SUPT20H: variants seen among roughly 807,000 people sequenced by gnomAD.
The protein encoded by SUPT20H is transcription factor SPT20 homolog.
A neutral mutation model predicts 122.8 loss-of-function variants in SUPT20H; 82 were observed. That is an observed-to-expected ratio of 0.67 (90% CI 0.56 to 0.80). The LOEUF (loss-of-function observed/expected upper bound fraction) is 0.80, where lower values mean the gene tolerates loss of function less well. Ranked by LOEUF, SUPT20H falls within the 30% of genes least tolerant of loss-of-function variation. The pLI is 0.00. For synonymous variants in SUPT20H, 291 were observed against 313.0 expected (o/e 0.93, Z 0.74); for missense variants, 831 against 921.6 (o/e 0.90, Z 1.27).
intron 5 of SUPT20H, 125 bp from the exon 6 acceptor site, chr13:37,045,498 T>C: frequency 8.1e-7 from 1 of 1,238,480 alleles, no homozygotes; most frequent in Non-Finnish European, 1.1e-6. Flanking sequence ...TGATTCTGAA[T>C]AAATGGAGAA....
intron 1 of SUPT20H, among the ~76,000 whole-genome samples, chr13:37,055,157 AG>A (rs1372595444): frequency 2.0e-5 from 3 of 152,232 alleles, no homozygotes; most frequent in Non-Finnish European, 2.9e-5. Flanking sequence ...GCTTATGAGT[AG>A]GAAGAATCAA....
intron 1 of SUPT20H, chr13:37,059,153 G>C (rs570866547): frequency 2.6e-4 from 40 of 152,360 alleles, no homozygotes; most frequent in Non-Finnish European, 5.0e-4. Flanking sequence ...ATCGACCAGA[G>C]TCTTCCCATT....
chr13:37,027,181 C>T (rs2139747982), intron 14 of SUPT20H, among the ~76,000 whole-genome samples: 1 of 152,010 alleles, frequency 6.6e-6, no homozygotes, highest in African/African-American at 2.4e-5. Flanking sequence ...ACACCCACAC[C>T]TTAGCATCAT....
chr13:37,031,891 A>T lies in SUPT20H; in HGVS notation c.712T>A (p.Phe238Ile). The change falls in exon 11 of 26, where the codon TTC becomes ATC. Residue 238 changes from phenylalanine to isoleucine, a missense_variant. By Grantham distance (21) the Phe-to-Ile change is conservative. Coordinates refer to ENST00000350612, the MANE Select transcript of SUPT20H (RefSeq NM_001014286.3). ...AGAGAGGATCTGGAATACCTCTTGA[A>T]ACACCTGAAATATTAAGAAATTTGA... ...KMNTRPMKRC[F>I]KRYSRSSLNR... 2 of 1,577,050 alleles carry T rather than the reference A, an allele frequency of 1.3e-6. No individual in the cohort carries two copies. Among genetic ancestry groups the T allele is most frequent in the Non-Finnish European group, 1.7e-6 (2 of 1,169,482 alleles).
In SUPT20H at chr13:37,020,574, GA is replaced by G. The variant is rs1326225096; in HGVS notation, c.1816+873del. 3.1e-4 allele frequency among the ~76,000 whole-genome samples: 47 copies of G among 152,072 alleles called. 1 individual carries two copies. ...TGTAAATATCCTAAGTTCAAGATGTGAAGTCCATTTCCAGGACTTCTCGCAC... is the reference window on the plus strand; with the variant it reads ...TGTAAATATCCTAAGTTCAAGATGTGAGTCCATTTCCAGGACTTCTCGCAC... On this transcript the variant is annotated intron_variant, in intron 21 of 25. Transcript: ENST00000350612.
At position 37,017,158 on chromosome 13, in the gene SUPT20H, A is replaced by G. The variant is rs919956201; in HGVS notation, c.1992+87T>C. On this transcript the variant is annotated intron_variant, in intron 23 of 25. Coordinates refer to ENST00000350612, the MANE Select transcript of SUPT20H (RefSeq NM_001014286.3). ...AAACAGTACAGGAAATGTTTACACT[A>G]ACAAAGCAAATGAAGTATGCTTGGA... The G allele has an allele frequency of 8.3e-6, 13 of 1,572,754 alleles. No homozygotes were observed. In the African/African-American group the frequency reaches 1.4e-4, roughly 16 times the overall value.
chr13:37,054,510 A>T (rs1239850410), intron 1 of SUPT20H, among the ~76,000 whole-genome samples: 1 of 152,220 alleles, frequency 6.6e-6, no homozygotes, highest in Non-Finnish European at 1.5e-5. Context: ...AGAACCCATG[A>T]CAAAAACCAC....
Position 37,040,459 on chromosome 13 carries a change from C to A in SUPT20H, c.514-1G>T, listed in dbSNP as rs373195984. On this transcript the variant is annotated splice_acceptor_variant, in intron 8 of 25. Coordinates refer to ENST00000350612, the MANE Select transcript of SUPT20H (RefSeq NM_001014286.3). LOFTEE classifies it high-confidence loss of function. Reference sequence around the variant, plus strand: ...TTGAATGTACATCACAAATTAAAGTCTAGAAGAAATAAAAATTTAAAAAAC... The same window carrying A: ...TTGAATGTACATCACAAATTAAAGTATAGAAGAAATAAAAATTTAAAAAAC... 16 of 1,579,704 alleles carry A rather than the reference C, an allele frequency of 1.0e-5. No homozygotes were observed. The highest frequency in any genetic ancestry group is 1.4e-5 in the Non-Finnish European group (16 of 1,169,260).
At chr13:37,028,908 T>C (rs961521100) in intron 13 of SUPT20H, among the ~76,000 whole-genome samples, 1 of 150,856 alleles carries the variant, frequency 6.6e-6, no homozygotes, top group African/African-American at 2.4e-5. Flanking sequence ...TCAAGCTTAA[T>C]ATGGCAGAAT....
chr13:37,031,937 G>GA (rs2063405303), intron 10 of SUPT20H, 42 bp from the exon 11 acceptor site: 1 of 1,524,512 alleles, frequency 6.6e-7, no homozygotes, highest in Non-Finnish European at 8.8e-7. Context: ...ACTAATAAAA[G>GA]AAACTCATAA....
At chr13:37,026,022 T>C (rs2062195537) in intron 16 of SUPT20H, 182 bp downstream of exon 16, 1 of 445,562 alleles carries the variant, frequency 2.2e-6, no homozygotes, top group Non-Finnish European at 4.0e-6. Context: ...GAAAGGACCT[T>C]AGAGGTTTTA....
chr13:37,026,622 T>A (rs1375754598), intron 15 of SUPT20H, among the ~76,000 whole-genome samples, 168 bp downstream of exon 15: 1 of 152,086 alleles, frequency 6.6e-6, no homozygotes, highest in Non-Finnish European at 1.5e-5. Flanking sequence ...TAACCTGCAA[T>A]TTTAGAAGTT....
intron 9 of SUPT20H, chr13:37,038,167 A>G (rs184961095): frequency 9.8e-4 from 149 of 152,220 alleles, no homozygotes; most frequent in Middle Eastern, 6.8e-3. Flanking sequence ...TCAGATTTCT[A>G]CATTATAAAA....
chr13:37,056,529 A>G (rs1227412826), intron 1 of SUPT20H, among the ~76,000 whole-genome samples: 1 of 151,904 alleles, frequency 6.6e-6, no homozygotes. Flanking sequence ...AAAACCAAAC[A>G]CTGCATGTTC....
intron 16 of SUPT20H, 116 bp from the exon 17 acceptor site, chr13:37,025,553 C>A: frequency 3.0e-6 from 2 of 656,418 alleles, no homozygotes. Flanking sequence ...TCAAAATTAA[C>A]ATAAATATTA....
At position 37,022,023 on chromosome 13, in the gene SUPT20H, A is replaced by C; in HGVS notation, c.1649T>G (p.Val550Gly). The change falls in exon 20 of 26, where the codon GTG (valine) becomes GGG (glycine). Residue 550 changes from valine to glycine, a missense_variant. Coordinates refer to ENST00000350612, the MANE Select transcript of SUPT20H (RefSeq NM_001014286.3). The surrounding 1 kb of genome is among the most constrained non-coding windows in gnomAD (Gnocchi z 4.5). Reference protein sequence around the residue: ...NSAGLNFINVVGSVCGAQALM... With the variant: ...NSAGLNFINVGGSVCGAQALM... ...AATGCAAACTTACCAAACAGAGCCC[A>C]CTACATTGATGAAGTTAAGTCCAGC... The C allele has an allele frequency of 6.2e-7, 1 of 1,605,158 alleles. No homozygotes were observed. The highest frequency in any genetic ancestry group is 8.5e-7 in the Non-Finnish European group (1 of 1,173,586).
At chr13:37,014,906 C>T (rs1330038320) in intron 23 of SUPT20H, among the ~76,000 whole-genome samples, 2 of 152,146 alleles carry the variant, frequency 1.3e-5, no homozygotes, top group African/African-American at 2.4e-5. Flanking sequence ...AAATATTAGA[C>T]AAGCATTCAG....
At chr13:37,054,312 C>G (rs2068435736) in intron 1 of SUPT20H, among the ~76,000 whole-genome samples, 1 of 151,922 alleles carries the variant, frequency 6.6e-6, no homozygotes, top group South Asian at 2.1e-4. Flanking sequence ...AGAGACACAA[C>G]AAAAAAAGAG....
intron 23 of SUPT20H, among the ~76,000 whole-genome samples, chr13:37,016,311 C>T (rs993980278): frequency 6.6e-6 from 1 of 151,688 alleles, no homozygotes; most frequent in Admixed American, 6.6e-5. Flanking sequence ...ATGTCTGTAG[C>T]GACAGCTACT....
Sources: allele counts gnomAD v4.1 joint callset (sites outside exome capture counted in the v4.1 genomes callset), GRCh38; gene constraint gnomAD v4.1.1; non-coding constraint Gnocchi (gnomAD v3.1); transcripts MANE v1.5; gene names NCBI Gene and HGNC (gene_info 2026-07-23, HGNC 2026-07-21).